MDGA2: variants seen among roughly 807,000 people sequenced by gnomAD.
MDGA2 encodes the protein MAM domain-containing glycosylphosphatidylinositol anchor protein 2.
In MDGA2, 40 loss-of-function variants were observed where a neutral mutation model predicts 117.8. The ratio of observed to expected loss-of-function variants is 0.34; its 90% confidence interval spans 0.26 to 0.44. The LOEUF (loss-of-function observed/expected upper bound fraction) is 0.44, where lower values mean the gene tolerates loss of function less well. Among genes scored for constraint, MDGA2 ranks in the 20% least tolerant of loss-of-function variants. The pLI, the probability that MDGA2 is intolerant of heterozygous loss-of-function variation, is 1.00. For synonymous variants in MDGA2, 452 were observed against 439.0 expected, an observed-to-expected ratio of 1.03 and a Z score of -0.37; for missense variants, 1,123 against 1,250.6, an observed-to-expected ratio of 0.90 and a Z score of 1.54.
At chr14:47,601,683 TA>T (rs1896651049) in intron 1 of MDGA2, among the ~76,000 whole-genome samples, 1 of 152,140 alleles carries the variant, frequency 6.6e-6, no homozygotes, top group African/African-American at 2.4e-5. Context: ...ATGTTGTTCC[TA>T]AAAAATGTGG....
chr14:46,879,011 C>G (rs1882341534), intron 11 of MDGA2, among the ~76,000 whole-genome samples: 1 of 152,052 alleles, frequency 6.6e-6, no homozygotes, highest in South Asian at 2.1e-4. Context: ...TTTCTTCTTT[C>G]ATTTGAACTT....
At chr14:47,523,378 TTATC>T (rs893109132) in intron 1 of MDGA2, among the ~76,000 whole-genome samples, 2 of 152,188 alleles carry the variant, frequency 1.3e-5, no homozygotes, top group Non-Finnish European at 2.9e-5. Flanking sequence ...CCCTGAATTA[TTATC>T]TATTATTTTA....
At chr14:47,197,108 A>C (rs1885314800) in intron 3 of MDGA2, among the ~76,000 whole-genome samples, 2 of 152,194 alleles carry the variant, frequency 1.3e-5, no homozygotes, top group African/African-American at 4.8e-5. Flanking sequence ...TGATATTGTG[A>C]ATAGTTCCAT....
At chr14:47,495,683 C>T (rs1002336620) in intron 1 of MDGA2, among the ~76,000 whole-genome samples, 8 of 152,114 alleles carry the variant, frequency 5.3e-5, no homozygotes, top group South Asian at 2.1e-4. Context: ...GGTGATTAAA[C>T]GCTATTGTTA....
At chr14:47,595,555 A>C (rs1307729231) in intron 1 of MDGA2, among the ~76,000 whole-genome samples, 22 of 131,596 alleles carry the variant, frequency 1.7e-4, no homozygotes, top group Admixed American at 5.2e-4. Flanking sequence ...AACAAAAAAA[A>C]ACAAAAAAAA....
At chr14:46,848,033 C>A in intron 15 of MDGA2, among the ~76,000 whole-genome samples, 1 of 151,830 alleles carries the variant, frequency 6.6e-6, no homozygotes, top group East Asian at 1.9e-4. Flanking sequence ...ACAGGGTTTA[C>A]AATGTAGCCA....
At chr14:47,301,637 T>C in intron 1 of MDGA2, 87 bp from the exon 2 acceptor site, 1 of 1,391,004 alleles carries the variant, frequency 7.2e-7, no homozygotes, top group Non-Finnish European at 9.9e-7. Flanking sequence ...TAAAAGCAAT[T>C]CTTATTAGAC....
At chr14:46,885,027 T>C (rs1481639249) in intron 10 of MDGA2, among the ~76,000 whole-genome samples, 1 of 151,996 alleles carries the variant, frequency 6.6e-6, no homozygotes, top group Non-Finnish European at 1.5e-5. Flanking sequence ...TTTGTATTTT[T>C]AGTAGAGACA....
chr14:47,008,325 T>C (rs1052239962), intron 8 of MDGA2, among the ~76,000 whole-genome samples: 33 of 151,878 alleles, frequency 2.2e-4, no homozygotes, highest in Non-Finnish European at 4.9e-4. Context: ...TAACAGGTAG[T>C]GTTGGCAGAA....
intron 1 of MDGA2, among the ~76,000 whole-genome samples, chr14:47,327,338 C>T (rs1890173209): frequency 6.6e-6 from 1 of 152,162 alleles, no homozygotes; most frequent in Non-Finnish European, 1.5e-5. Flanking sequence ...CAATCGGAAA[C>T]ATCCAGCGCA....
chr14:47,400,310 A>C (rs904953280), intron 1 of MDGA2, among the ~76,000 whole-genome samples: 3 of 152,058 alleles, frequency 2.0e-5, no homozygotes, highest in Non-Finnish European at 4.4e-5. Context: ...TCAATGTTTA[A>C]TTCCCTTCTT....
rs557870000 is a variant in MDGA2 at position 47,621,823 on chromosome 14, C to A, written c.280+52694G>T. Among the ~76,000 whole-genome samples, 6 of 152,284 alleles carry A rather than the reference C, an allele frequency of 3.9e-5. No homozygotes were observed. The East Asian group carries it at 1.2e-3, about 29-fold the overall frequency. ...GACACAGAGCAGAATCCCAGCTGAA[C>A]CACAGCCAACATACGTTGTAAGCGA... On this transcript the variant is annotated intron_variant, in intron 1 of 16. Coordinates refer to ENST00000399232, the MANE Select transcript of MDGA2 (RefSeq NM_001113498.3).
chr14:47,099,184 T>G (rs1001932730), intron 5 of MDGA2, among the ~76,000 whole-genome samples: 5 of 151,924 alleles, frequency 3.3e-5, no homozygotes, highest in Admixed American at 1.3e-4. Flanking sequence ...TTGTATATAT[T>G]TTAATACCAA....
intron 4 of MDGA2, among the ~76,000 whole-genome samples, chr14:47,140,213 G>A (rs1325079893): frequency 6.6e-6 from 1 of 151,936 alleles, no homozygotes. Flanking sequence ...GATATCACAG[G>A]TTAATGGATT....
chr14:47,011,743 A>G (rs1887902117), intron 8 of MDGA2, among the ~76,000 whole-genome samples: 1 of 152,044 alleles, frequency 6.6e-6, no homozygotes, highest in African/African-American at 2.4e-5. Context: ...CTATATAACA[A>G]TTAGGACAAT....
intron 1 of MDGA2, among the ~76,000 whole-genome samples, chr14:47,613,310 T>C (rs2138909837): frequency 6.6e-6 from 1 of 152,258 alleles, no homozygotes; most frequent in Middle Eastern, 3.4e-3. Context: ...TTCAAATGAA[T>C]TCTACATCTG....
intron 5 of MDGA2, among the ~76,000 whole-genome samples, chr14:47,103,882 T>C (rs191191203): frequency 7.9e-5 from 12 of 152,298 alleles, no homozygotes; most frequent in African/African-American, 2.9e-4. Flanking sequence ...TAAGTATTTC[T>C]ACAGCATCTA....
At chr14:47,519,001 C>G (rs1056198752) in intron 1 of MDGA2, among the ~76,000 whole-genome samples, 3 of 152,122 alleles carry the variant, frequency 2.0e-5, no homozygotes, top group East Asian at 3.9e-4. Context: ...GTCAGGAGTT[C>G]GAGATCAAAC....
intron 1 of MDGA2, among the ~76,000 whole-genome samples, chr14:47,522,043 A>G (rs189983875): frequency 1.3e-5 from 2 of 152,240 alleles, no homozygotes; most frequent in Admixed American, 1.3e-4. Flanking sequence ...AGTTCTTAAT[A>G]TATTAAGCCC....
Sources: gnomAD v4.1 joint callset for allele counts (sites outside exome capture counted in the v4.1 genomes callset) on GRCh38, gnomAD v4.1.1 for gene constraint, MANE v1.5 for transcripts, NCBI Gene and HGNC (gene_info 2026-07-23, HGNC 2026-07-21) for gene names.